Variants in ADTRP observed in about 807,000 individuals in gnomAD.
The protein encoded by ADTRP is androgen-dependent TFPI-regulating protein.
In ADTRP, 20 loss-of-function variants were observed where a neutral mutation model predicts 27.0. That is an observed-to-expected ratio of 0.74 (90% CI 0.52 to 1.08). ADTRP has a LOEUF of 1.08. Among genes scored for constraint, ADTRP ranks in the 50% least tolerant of loss-of-function variants. ADTRP has a pLI of 0.00. For synonymous variants in ADTRP, 101 were observed against 105.2 expected (o/e 0.96, Z 0.25); for missense variants, 251 against 275.0 (o/e 0.91, Z 0.62).
chr6:11,742,137 T>C (rs1262948676), intron 3 of ADTRP, among the ~76,000 whole-genome samples: 1 of 152,148 alleles, frequency 6.6e-6, no homozygotes, highest in African/African-American at 2.4e-5. Flanking sequence ...AAAAAAAGTT[T>C]TAATGTTGCT....
intron 5 of ADTRP, chr6:11,717,201 C>G (rs922261298): frequency 1.8e-6 from 2 of 1,118,548 alleles, no homozygotes; most frequent in African/African-American, 3.3e-5. Flanking sequence ...TAGAAAGTAT[C>G]CTAGTTGGCA....
intron 1 of ADTRP, among the ~76,000 whole-genome samples, chr6:11,769,103 G>A (rs1206902274): frequency 2.6e-5 from 4 of 152,176 alleles, no homozygotes; most frequent in African/African-American, 9.7e-5. Flanking sequence ...AATACGATAT[G>A]GAAGGCAAGC....
intron 3 of ADTRP, among the ~76,000 whole-genome samples, chr6:11,748,055 C>T (rs551040939): frequency 6.6e-6 from 1 of 152,174 alleles, no homozygotes; most frequent in African/African-American, 2.4e-5. Flanking sequence ...GCTACCGCAC[C>T]AATCAGAACA....
chr6:11,758,073 CA>C (rs956387345), intron 3 of ADTRP, among the ~76,000 whole-genome samples: 2 of 152,176 alleles, frequency 1.3e-5, no homozygotes, highest in African/African-American at 4.8e-5. Context: ...AACTGCAGCT[CA>C]AATCTCCAAC....
intron 5 of ADTRP, among the ~76,000 whole-genome samples, 171 bp from the exon 6 acceptor site, chr6:11,714,683 C>T (rs1761756065): frequency 6.6e-6 from 1 of 152,186 alleles, no homozygotes; most frequent in Non-Finnish European, 1.5e-5. Context: ...GCCACGATGA[C>T]AGGGGCAGAG....
intron 3 of ADTRP, among the ~76,000 whole-genome samples, chr6:11,751,123 A>G (rs1561761302): frequency 6.6e-6 from 1 of 152,232 alleles, no homozygotes; most frequent in Non-Finnish European, 1.5e-5. Context: ...TGTTGGGATT[A>G]CAGGCGTGAA....
At chr6:11,742,585 T>G (rs186191300) in intron 3 of ADTRP, among the ~76,000 whole-genome samples, 1 of 152,298 alleles carries the variant, frequency 6.6e-6, no homozygotes, top group African/African-American at 2.4e-5. Flanking sequence ...GAAATTAAAG[T>G]TTTCCCCCTA....
chr6:11,740,225 C>T (rs1437329239), intron 3 of ADTRP, among the ~76,000 whole-genome samples: 1 of 152,132 alleles, frequency 6.6e-6, no homozygotes, highest in Non-Finnish European at 1.5e-5. Context: ...TTGGCTCTTC[C>T]CAAACTGAGG....
chr6:11,714,655 A>G (rs1761755144), intron 5 of ADTRP, 143 bp from the exon 6 acceptor site: 1 of 925,862 alleles, frequency 1.1e-6, no homozygotes, highest in Non-Finnish European at 1.6e-6. Context: ...CAGTTTAAGG[A>G]GTTATGAAAA....
intron 1 of ADTRP, among the ~76,000 whole-genome samples, chr6:11,770,693 C>A (rs1178049358): frequency 6.6e-6 from 1 of 152,130 alleles, no homozygotes; most frequent in Non-Finnish European, 1.5e-5. Context: ...CTCATTATTG[C>A]TGGTGATTTT....
intron 2 of ADTRP, among the ~76,000 whole-genome samples, chr6:11,768,010 A>G (rs373858507): frequency 2.0e-5 from 3 of 152,300 alleles, no homozygotes; most frequent in Admixed American, 1.3e-4. Flanking sequence ...TTAGACGGCA[A>G]TAAGGACCTT....
In ADTRP at chr6:11,735,438, A is replaced by C. The variant is rs572714867; in HGVS notation, c.506+130T>G. On this transcript the variant is annotated intron_variant, in intron 4 of 5. Coordinates refer to ENST00000414691, the MANE Select transcript of ADTRP (RefSeq NM_032744.4). ...AACAATAAGAATGCTTCTTACCTGG[A>C]AATGTAAACATGATTAAATCCTTAT... The C allele has an allele frequency of 1.5e-5, 10 of 680,958 alleles. No individual in the cohort carries two copies. The East Asian group carries it at 2.5e-4, about 17-fold the overall frequency. 42.2% of individuals were successfully genotyped at this position (680,958 alleles called of 1,614,324 possible). A position where few individuals can be genotyped will look rare whatever the true frequency, so the allele number is the denominator to read the frequency against.
At chr6:11,754,932 GT>G in intron 3 of ADTRP, 1 of 761,228 alleles carries the variant, frequency 1.3e-6, no homozygotes, top group Non-Finnish European at 1.6e-6. Flanking sequence ...TTTCACGTCT[GT>G]CTTGAGATCA....
chr6:11,730,258 GGTAAGGA>G (rs2113889714), intron 4 of ADTRP, among the ~76,000 whole-genome samples: 1 of 152,192 alleles, frequency 6.6e-6, no homozygotes, highest in African/African-American at 2.4e-5. Context: ...TTACAGGTAG[GGTAAGGA>G]TTTCTTCTGT....
At chr6:11,754,873 C>CT (rs1366468060) in intron 3 of ADTRP, 1 of 209,750 alleles carries the variant, frequency 4.8e-6, no homozygotes, top group Non-Finnish European at 8.3e-6. Context: ...CAGTACTAAC[C>CT]TGGCAGAGAA....
intron 1 of ADTRP, among the ~76,000 whole-genome samples, chr6:11,772,735 A>G (rs1455000521): frequency 6.6e-6 from 1 of 152,206 alleles, no homozygotes; most frequent in Admixed American, 6.5e-5. Flanking sequence ...CCTTTATATA[A>G]CAGTGGTGGT....
At chr6:11,728,026 T>A (rs531967036) in intron 4 of ADTRP, among the ~76,000 whole-genome samples, 1 of 151,702 alleles carries the variant, frequency 6.6e-6, no homozygotes, top group Non-Finnish European at 1.5e-5. Flanking sequence ...ATTCAACATG[T>A]CTTCTATTTC....
chr6:11,754,618 G>T (rs1367372583), intron 3 of ADTRP, among the ~76,000 whole-genome samples: 1 of 152,172 alleles, frequency 6.6e-6, no homozygotes, highest in Admixed American at 6.5e-5. Flanking sequence ...GGAGGTGGGA[G>T]GAAGACAGAG....
chr6:11,729,556 T>C (rs900656968), intron 4 of ADTRP, among the ~76,000 whole-genome samples: 2 of 152,100 alleles, frequency 1.3e-5, no homozygotes, highest in Non-Finnish European at 2.9e-5. Flanking sequence ...CTCTCTCCTC[T>C]CTCTCTTTCC....
Sources: gnomAD v4.1 joint callset for allele counts (sites outside exome capture counted in the v4.1 genomes callset) on GRCh38, gnomAD v4.1.1 for gene constraint, MANE v1.5 for transcripts, NCBI Gene and HGNC (gene_info 2026-07-23, HGNC 2026-07-21) for gene names.